ABCG2: variants seen among roughly 807,000 people sequenced by gnomAD.
ABCG2 encodes the protein broad substrate specificity ATP-binding cassette transporter ABCG2.
ABCG2 carries 80 observed loss-of-function variants against 73.5 expected under a neutral mutation model. The ratio of observed to expected loss-of-function variants is 1.09; its 90% confidence interval spans 0.91 to 1.31. The LOEUF (loss-of-function observed/expected upper bound fraction) is 1.31. Ranked by LOEUF, ABCG2 falls within the 50% of genes most tolerant of loss-of-function variation. The probability of loss-of-function intolerance (pLI) is 0.00; values close to 1 mark genes in which losing one functional copy is unlikely to be tolerated. For synonymous variants in ABCG2, 269 were observed against 282.4 expected (o/e 0.95, Z 0.48); for missense variants, 796 against 786.2 (o/e 1.01, Z -0.15).
At chr4:88,153,630 C>A (rs1056409153) in intron 1 of ABCG2, among the ~76,000 whole-genome samples, 1 of 151,956 alleles carries the variant, frequency 6.6e-6, no homozygotes, top group Non-Finnish European at 1.5e-5. Flanking sequence ...CTCTATTGAA[C>A]CGTATAGAGG....
At chr4:88,130,986 A>T in intron 5 of ABCG2, 75 bp downstream of exon 5, 2 of 1,535,592 alleles carry the variant, frequency 1.3e-6, no homozygotes, top group South Asian at 2.4e-5. Flanking sequence ...GAAACTTCTG[A>T]ATCAGAGTCA....
At chr4:88,113,682 GC>G in intron 8 of ABCG2, 129 bp from the exon 9 acceptor site, 1 of 1,212,590 alleles carries the variant, frequency 8.2e-7, no homozygotes, top group Non-Finnish European at 1.1e-6. Flanking sequence ...GAAAAAATAG[GC>G]CAGGCACGGC....
intron 1 of ABCG2, among the ~76,000 whole-genome samples, chr4:88,224,961 G>T (rs1730150226): frequency 6.6e-6 from 1 of 152,172 alleles, no homozygotes; most frequent in Non-Finnish European, 1.5e-5. Context: ...CCCATTGAAT[G>T]GTCTTGGCAC....
intron 10 of ABCG2, among the ~76,000 whole-genome samples, chr4:88,106,645 T>C (rs1456292965): frequency 6.6e-6 from 1 of 152,184 alleles, no homozygotes; most frequent in African/African-American, 2.4e-5. Flanking sequence ...GCTTAATGGG[T>C]ACAGATATTC....
At chr4:88,185,564 C>G (rs1454453892) in intron 1 of ABCG2, among the ~76,000 whole-genome samples, 1 of 151,900 alleles carries the variant, frequency 6.6e-6, no homozygotes, top group African/African-American at 2.4e-5. Flanking sequence ...GGGGACAAAC[C>G]ACAGAACCAT....
upstream of ABCG2, chr4:88,158,713 C>T (rs1288549404): frequency 4.5e-6 from 2 of 444,892 alleles, no homozygotes; most frequent in Non-Finnish European, 9.0e-6. Context: ...ACAACCCCTT[C>T]CCCCAACCAC....
At chr4:88,142,132 G>A (rs960123999) in intron 1 of ABCG2, among the ~76,000 whole-genome samples, 2 of 151,868 alleles carry the variant, frequency 1.3e-5, no homozygotes, top group Non-Finnish European at 2.9e-5. Flanking sequence ...ACATAAAAGA[G>A]CATAACAAAC....
chr4:88,092,428 C>A (rs2110166462), intron 15 of ABCG2, 47 bp from the exon 16 acceptor site: 3 of 1,583,644 alleles, frequency 1.9e-6, no homozygotes. Context: ...TAGCATCCGT[C>A]AAATGTTACT....
At chr4:88,169,332 T>C (rs1727667190) in intron 1 of ABCG2, among the ~76,000 whole-genome samples, 1 of 152,018 alleles carries the variant, frequency 6.6e-6, no homozygotes, top group Non-Finnish European at 1.5e-5. Context: ...GCATGAGCCA[T>C]CATGCCCAAC....
chr4:88,192,993 G>A (rs867974361), intron 1 of ABCG2, among the ~76,000 whole-genome samples: 5 of 152,088 alleles, frequency 3.3e-5, no homozygotes, highest in South Asian at 2.1e-4. Context: ...GATTACAGGC[G>A]TGAGCCACCG....
At chr4:88,152,570 G>C (rs927767582) in intron 1 of ABCG2, among the ~76,000 whole-genome samples, 12 of 152,136 alleles carry the variant, frequency 7.9e-5, no homozygotes, top group African/African-American at 2.7e-4. Flanking sequence ...CCAGGAGAAG[G>C]AATTTCACAA....
chr4:88,198,889 G>C (rs889753743), intron 1 of ABCG2, among the ~76,000 whole-genome samples: 2 of 151,622 alleles, frequency 1.3e-5, no homozygotes. Context: ...AGAACTGTGG[G>C]GCAATTATAA....
chr4:88,105,525 G>C (rs976462403), intron 10 of ABCG2, among the ~76,000 whole-genome samples: 1 of 152,176 alleles, frequency 6.6e-6, no homozygotes, highest in Non-Finnish European at 1.5e-5. Context: ...AGGTTTTTAA[G>C]GGTCCACTGT....
chr4:88,150,375 A>G (rs144678779), intron 1 of ABCG2, among the ~76,000 whole-genome samples: 4 of 152,268 alleles, frequency 2.6e-5, no homozygotes, highest in African/African-American at 9.6e-5. Flanking sequence ...GGAGCAGTAT[A>G]TGTCCAAGTG....
intron 6 of ABCG2, among the ~76,000 whole-genome samples, chr4:88,118,932 C>A (rs932267191): frequency 1.3e-5 from 2 of 152,132 alleles, no homozygotes; most frequent in Admixed American, 6.6e-5. Context: ...AATCTCTGGT[C>A]TAAGTCCATG....
At chr4:88,187,942 T>C (rs1458681350) in intron 1 of ABCG2, among the ~76,000 whole-genome samples, 4 of 152,240 alleles carry the variant, frequency 2.6e-5, no homozygotes, top group African/African-American at 9.6e-5. Context: ...AAATGTCCAG[T>C]AGCATTTTTA....
intron 1 of ABCG2, among the ~76,000 whole-genome samples, chr4:88,216,398 CA>C (rs1729814828): frequency 6.6e-6 from 1 of 152,200 alleles, no homozygotes; most frequent in South Asian, 2.1e-4. Context: ...TCTCAAAAAT[CA>C]AATGATCAAG....
intron 1 of ABCG2, among the ~76,000 whole-genome samples, chr4:88,219,946 T>C: frequency 6.6e-6 from 1 of 151,614 alleles, no homozygotes; most frequent in South Asian, 2.1e-4. Flanking sequence ...CATCCATCTC[T>C]AGAACTTCTT....
In ABCG2 at chr4:88,136,718, T is replaced by A. The variant is rs76351890; in HGVS notation, c.203+3075A>T. On this transcript the variant is annotated intron_variant, in intron 2 of 15. Coordinates refer to ENST00000237612, the MANE Select transcript of ABCG2 (RefSeq NM_004827.3). ...AAGACCTTGTCTCTAATAAAATTTG[T>A]TTAATTACAAAAAGAGGCTGGGCAC... Among the ~76,000 whole-genome samples, 101 of 140,240 alleles carry A rather than the reference T, an allele frequency of 7.2e-4. 1 individual carries two copies. In the East Asian group the frequency reaches 0.019, roughly 27 times the overall value. 92.0% of individuals were successfully genotyped at this position (140,240 alleles called of 152,430 possible).
Sources: allele counts gnomAD v4.1 joint callset (sites outside exome capture counted in the v4.1 genomes callset), GRCh38; gene constraint gnomAD v4.1.1; transcripts MANE v1.5; gene names NCBI Gene and HGNC (gene_info 2026-07-23, HGNC 2026-07-21).